CENPP: variants seen among roughly 807,000 people sequenced by gnomAD.
CENPP encodes centromere protein P.
Under a neutral mutation model 35.6 loss-of-function variants are expected in CENPP, and 24 were observed. The observed-to-expected ratio is 0.67, with a 90% confidence interval of 0.49 to 0.95. The LOEUF is 0.95. Among genes scored for constraint, CENPP ranks in the 40% least tolerant of loss-of-function variants. The pLI, the probability that CENPP is intolerant of heterozygous loss-of-function variation, is 0.00. For synonymous variants in CENPP, 120 were observed against 125.5 expected, an observed-to-expected ratio of 0.96 and a Z score of 0.29; for missense variants, 332 against 345.3, an observed-to-expected ratio of 0.96 and a Z score of 0.31.
At chr9:92,546,287 C>T (rs896005450) in intron 5 of CENPP, among the ~76,000 whole-genome samples, 3 of 152,164 alleles carry the variant, frequency 2.0e-5, no homozygotes, top group Non-Finnish European at 4.4e-5. Context: ...CCAGATAAGG[C>T]AATAAAAGCA....
At chr9:92,542,520 T>G (rs1389105258) in intron 5 of CENPP, among the ~76,000 whole-genome samples, 2 of 144,470 alleles carry the variant, frequency 1.4e-5, no homozygotes, top group Non-Finnish European at 3.0e-5. Flanking sequence ...TTTTTTTTTT[T>G]GAGATGGAGT....
In CENPP at chr9:92,611,384, G is replaced by C; in HGVS notation, c.635G>C (p.Ser212Thr). 6.2e-7 allele frequency: 1 copy of C among 1,612,874 alleles called. No homozygotes were observed. Among genetic ancestry groups the C allele is most frequent in the Admixed American group, 1.7e-5 (1 of 60,002 alleles). Reference protein sequence around the residue: ...SSCSMGIRSASRPGFELVIVW... With the variant: ...SSCSMGIRSATRPGFELVIVW... ...TGCTCCATGGGGATCCGCAGCGCCA[G>C]CCGGCCAGGGTGAGCCTGCACAGGC... The change falls in exon 6 of 8, where the codon AGC becomes ACC. Residue 212 changes from serine to threonine, a missense_variant. By Grantham distance (58) the Ser-to-Thr change is moderately conservative. Coordinates refer to ENST00000375587, the MANE Select transcript of CENPP (RefSeq NM_001012267.3).
intron 5 of CENPP, among the ~76,000 whole-genome samples, chr9:92,589,048 C>T (rs899814032): frequency 1.3e-5 from 2 of 152,054 alleles, no homozygotes; most frequent in Non-Finnish European, 2.9e-5. Context: ...TTGAAAGGCA[C>T]CAGGCACAAT....
At position 92,505,574 on chromosome 9, in the gene CENPP, T is replaced by G; in HGVS notation, c.565-105740T>G. On this transcript the variant is annotated intron_variant, in intron 5 of 7. Coordinates refer to ENST00000375587, the MANE Select transcript of CENPP (RefSeq NM_001012267.3). ...AGACCCTGCGGTATAATTCTAAATT[T>G]ATTTTTTCCCAGACGCAAGTAGGCT... The G allele has an allele frequency of 6.2e-7, 1 of 1,607,694 alleles. No homozygotes were observed. Among genetic ancestry groups the G allele is most frequent in the Non-Finnish European group, 8.5e-7 (1 of 1,178,508 alleles).
chr9:92,523,888 T>G (rs1848227206), intron 5 of CENPP, among the ~76,000 whole-genome samples: 1 of 152,228 alleles, frequency 6.6e-6, no homozygotes, highest in Non-Finnish European at 1.5e-5. Flanking sequence ...CTCTTGTGGC[T>G]TTCCACAACT....
chr9:92,544,260 G>T (rs530740858), intron 5 of CENPP, among the ~76,000 whole-genome samples: 1 of 152,336 alleles, frequency 6.6e-6, no homozygotes, highest in East Asian at 1.9e-4. Flanking sequence ...TGGATCACTT[G>T]AGGTCAAGAG....
At chr9:92,459,419 T>C (rs1272913855) in intron 5 of CENPP, among the ~76,000 whole-genome samples, 1 of 152,232 alleles carries the variant, frequency 6.6e-6, no homozygotes, top group Non-Finnish European at 1.5e-5. Flanking sequence ...AACCAAAAGA[T>C]GGAAATGGAT....
chr9:92,586,293 C>G (rs1169223342), intron 5 of CENPP, among the ~76,000 whole-genome samples: 2 of 152,166 alleles, frequency 1.3e-5, no homozygotes, highest in African/African-American at 4.8e-5. Flanking sequence ...GATCCGCCAG[C>G]CTTGACCTCC....
intron 5 of CENPP, among the ~76,000 whole-genome samples, chr9:92,392,434 C>A (rs1256018234): frequency 1.3e-5 from 2 of 152,014 alleles, no homozygotes; most frequent in Admixed American, 6.6e-5. Flanking sequence ...CCAGCCTGGC[C>A]AACATGGTGA....
At position 92,429,027 on chromosome 9, in the gene CENPP, A is replaced by T. The variant is rs547372566; in HGVS notation, c.564+49168A>T. On this transcript the variant is annotated intron_variant, in intron 5 of 7. Transcript: ENST00000375587. ...AAGACATCAGCTTATTCCAGTTGCAATTAATTATGAATGTAATTATTTGTC... is the reference window on the plus strand; with the variant it reads ...AAGACATCAGCTTATTCCAGTTGCATTTAATTATGAATGTAATTATTTGTC... 2.6e-5 allele frequency among the ~76,000 whole-genome samples: 4 copies of T among 152,236 alleles called. No homozygotes were observed. The South Asian group carries it at 8.3e-4, about 32-fold the overall frequency.
At chr9:92,415,154 A>T in intron 5 of CENPP, 1 of 1,601,310 alleles carries the variant, frequency 6.2e-7, no homozygotes, top group Non-Finnish European at 8.5e-7. Flanking sequence ...GTTTCTTGCT[A>T]TTCTTGATTT....
At chr9:92,502,803 T>TA in intron 5 of CENPP, 17 of 533,700 alleles carry the variant, frequency 3.2e-5, no homozygotes, top group East Asian at 8.4e-5. Flanking sequence ...TTTTAAGTTG[T>TA]CTTTTTTTTT....
rs941615550 is a variant in CENPP, at chr9:92,431,563, T to TTTTTC, written c.564+51724_564+51728dup. ...TATGCCTGTTGATGTTTTTTACTCA[T>TTTTTC]TTTTCTTTTCTTTTCTTTTCTTTTT... On this transcript the variant is annotated intron_variant, in intron 5 of 7. Coordinates refer to ENST00000375587, the MANE Select transcript of CENPP (RefSeq NM_001012267.3). Among the ~76,000 whole-genome samples, 6 of 152,208 alleles carry TTTTTC rather than the reference T, an allele frequency of 3.9e-5. 1 individual carries two copies. In the South Asian group the frequency reaches 1.0e-3, roughly 26 times the overall value.
chr9:92,352,162 G>A (rs1841464907), intron 4 of CENPP, among the ~76,000 whole-genome samples: 1 of 150,726 alleles, frequency 6.6e-6, no homozygotes, highest in South Asian at 2.1e-4. Flanking sequence ...CTGAGGTCAG[G>A]AGTTAGAGAC....
At chr9:92,509,473 G>C (rs983817175) in intron 5 of CENPP, among the ~76,000 whole-genome samples, 3 of 152,120 alleles carry the variant, frequency 2.0e-5, no homozygotes, top group Non-Finnish European at 4.4e-5. Context: ...TTGTGGGTGG[G>C]GTCTGTTGAC....
chr9:92,353,170 C>T (rs1462618082), intron 4 of CENPP, among the ~76,000 whole-genome samples: 2 of 152,276 alleles, frequency 1.3e-5, no homozygotes, highest in East Asian at 3.9e-4. Context: ...AAAGTACTTT[C>T]TTAGTGCAAG....
intron 5 of CENPP, among the ~76,000 whole-genome samples, chr9:92,464,464 G>T (rs1328588932): frequency 6.6e-6 from 1 of 152,206 alleles, no homozygotes; most frequent in Non-Finnish European, 1.5e-5. Flanking sequence ...AAAATGCCTT[G>T]CCTTGAATGG....
In CENPP at chr9:92,408,862, T is replaced by G. The variant is rs182601476; in HGVS notation, c.564+29003T>G. ...TGAGTTACTAGATACACATAGACCC[T>G]TTTTAATCCAGCATTCTGGATTTTG... On this transcript the variant is annotated intron_variant, in intron 5 of 7. Coordinates refer to ENST00000375587, the MANE Select transcript of CENPP (RefSeq NM_001012267.3). Among the ~76,000 whole-genome samples, 9 of 152,296 alleles carry G rather than the reference T, an allele frequency of 5.9e-5. No homozygotes were observed. The East Asian group carries it at 1.5e-3, about 26-fold the overall frequency.
At chr9:92,399,423 G>C (rs1467289132) in intron 5 of CENPP, among the ~76,000 whole-genome samples, 1 of 151,782 alleles carries the variant, frequency 6.6e-6, no homozygotes, top group African/African-American at 2.4e-5. Flanking sequence ...ATAAATTAGA[G>C]TTACTAGATC....
Sources: gnomAD v4.1 joint callset for allele counts (sites outside exome capture counted in the v4.1 genomes callset) on GRCh38, gnomAD v4.1.1 for gene constraint, MANE v1.5 for transcripts, NCBI Gene and HGNC (gene_info 2026-07-23, HGNC 2026-07-21) for gene names.